DLGAP2: variants seen among roughly 807,000 people sequenced by gnomAD.
The protein encoded by DLGAP2 is DLG associated protein 2, also known as disks large-associated protein 2.
DLGAP2 carries 26 observed loss-of-function variants against 100.3 expected under a neutral mutation model. That is an observed-to-expected ratio of 0.26 (90% CI 0.19 to 0.36). The LOEUF is 0.36. Ranked by LOEUF, DLGAP2 falls within the 10% of genes least tolerant of loss-of-function variation. DLGAP2 has a pLI of 1.00. For missense variants in DLGAP2, 1,858 were observed against 1,453.2 expected (o/e 1.28, Z -4.53); for synonymous variants, 886 against 630.1 (o/e 1.41, Z -6.08).
chr8:867,116 C>T (rs576170381), intron 1 of DLGAP2, among the ~76,000 whole-genome samples: 11 of 152,322 alleles, frequency 7.2e-5, no homozygotes, highest in South Asian at 4.1e-4. Context: ...CGGCCGTCAC[C>T]GTGGGCAAAG....
intron 2 of DLGAP2, among the ~76,000 whole-genome samples, chr8:1,033,261 C>T (rs1435826503): frequency 1.3e-5 from 2 of 152,174 alleles, no homozygotes; most frequent in Admixed American, 6.5e-5. Flanking sequence ...ACAGGCCCCT[C>T]GCCTCGTGAT....
At chr8:1,040,207 C>G (rs1442508788) in intron 2 of DLGAP2, among the ~76,000 whole-genome samples, 2 of 146,934 alleles carry the variant, frequency 1.4e-5, no homozygotes, top group Non-Finnish European at 3.0e-5. Flanking sequence ...TGTGCGTGGT[C>G]AGCTCGGTGT....
Position 1,410,308 on chromosome 8 carries a change from G to A in DLGAP2, c.107-91058G>A, listed in dbSNP as rs984458613. 1.1e-4 allele frequency among the ~76,000 whole-genome samples: 17 copies of A among 152,308 alleles called. No homozygotes were observed. The East Asian group carries it at 1.2e-3, about 10-fold the overall frequency. ...TAGTGACACGGAAGGTAACATTCAC[G>A]GGCATGGCTTCACGCGTGCGGCACC... On this transcript the variant is annotated intron_variant, in intron 3 of 14. Coordinates refer to ENST00000637795, the MANE Select transcript of DLGAP2 (RefSeq NM_001346810.2).
chr8:1,121,138 TAGA>T lies in DLGAP2; in HGVS notation c.74-137710_74-137708del, dbSNP rs1228082094. ...CCATGACCTCCCATCCTCGTCCAGT[TAGA>T]AGCCATGACCACCCATCCTCATCCA... On this transcript the variant is annotated intron_variant, in intron 2 of 14. Coordinates refer to ENST00000637795, the MANE Select transcript of DLGAP2 (RefSeq NM_001346810.2). Among the ~76,000 whole-genome samples, 7 of 145,938 alleles carry T rather than the reference TAGA, an allele frequency of 4.8e-5. No homozygotes were observed. The East Asian group carries it at 1.5e-3, about 31-fold the overall frequency.
chr8:1,160,787 A>G (rs1796874442), intron 2 of DLGAP2, among the ~76,000 whole-genome samples: 1 of 152,182 alleles, frequency 6.6e-6, no homozygotes. Flanking sequence ...AAGGCGAGGA[A>G]GCCTGGCAGG....
chr8:1,537,095 T>A (rs1234693069), intron 4 of DLGAP2, among the ~76,000 whole-genome samples: 1 of 151,788 alleles, frequency 6.6e-6, no homozygotes, highest in East Asian at 1.9e-4. Flanking sequence ...GTATGTGGTG[T>A]GTGGTGTGTG....
intron 2 of DLGAP2, among the ~76,000 whole-genome samples, chr8:1,234,560 C>T (rs1798603960): frequency 1.3e-5 from 2 of 152,196 alleles, no homozygotes; most frequent in African/African-American, 2.4e-5. Flanking sequence ...AGGTCACATT[C>T]TGAGGTCCTG....
chr8:1,315,505 G>C (rs1303304543), intron 3 of DLGAP2, among the ~76,000 whole-genome samples: 2 of 142,692 alleles, frequency 1.4e-5, no homozygotes, highest in Admixed American at 6.9e-5. Context: ...GAGCGTGTGC[G>C]AGTGCAGCGT....
intron 2 of DLGAP2, among the ~76,000 whole-genome samples, chr8:986,072 A>G (rs1024407745): frequency 6.6e-6 from 1 of 150,854 alleles, no homozygotes; most frequent in East Asian, 1.9e-4. Flanking sequence ...GTTTCTGGAA[A>G]CTCTTGATAT....
rs533464828 is a variant in DLGAP2 at position 957,950 on chromosome 8, G to A, written c.73+49984G>A. Among the ~76,000 whole-genome samples, 354 of 152,056 alleles carry A rather than the reference G, an allele frequency of 2.3e-3. 2 individuals are homozygous for A. The highest frequency in any genetic ancestry group is 4.3e-3 in the Non-Finnish European group (295 of 67,982). On this transcript the variant is annotated intron_variant, in intron 2 of 14. Transcript: ENST00000637795. ...TGTCCAATTCAGTGACATACAATAC[G>A]TTCCTGGTGCTGTGTGACCCTCACC...
intron 2 of DLGAP2, among the ~76,000 whole-genome samples, chr8:1,218,510 A>T (rs57729058): frequency 3.3e-5 from 5 of 151,676 alleles, no homozygotes; most frequent in African/African-American, 1.2e-4. Context: ...TTTTTTTACC[A>T]GTACCATGTT....
intron 3 of DLGAP2, among the ~76,000 whole-genome samples, chr8:1,433,423 C>G (rs1584896930): frequency 6.6e-6 from 1 of 152,144 alleles, no homozygotes; most frequent in Non-Finnish European, 1.5e-5. Context: ...CCCAAGCACC[C>G]GAACCACGTG....
chr8:1,298,248 A>G (rs183079180), intron 3 of DLGAP2, among the ~76,000 whole-genome samples: 14 of 152,292 alleles, frequency 9.2e-5, no homozygotes, highest in Admixed American at 4.6e-4. Flanking sequence ...CAGCATCTTT[A>G]TAAGTGATCA....
intron 3 of DLGAP2, among the ~76,000 whole-genome samples, chr8:1,390,758 A>G (rs1456803036): frequency 3.3e-5 from 5 of 152,108 alleles, no homozygotes; most frequent in African/African-American, 7.2e-5. Flanking sequence ...CTGCAGGTGG[A>G]TTTCAGCTCA....
chr8:1,233,855 C>T (rs1798588147), intron 2 of DLGAP2, among the ~76,000 whole-genome samples: 1 of 152,092 alleles, frequency 6.6e-6, no homozygotes, highest in Admixed American at 6.5e-5. Context: ...TAAGCTAAAC[C>T]ACTGTCCTCT....
chr8:1,457,672 C>A (rs758475441), intron 3 of DLGAP2, among the ~76,000 whole-genome samples: 2 of 151,888 alleles, frequency 1.3e-5, no homozygotes, highest in Non-Finnish European at 2.9e-5. Context: ...TGTTAATTGC[C>A]ATATTTCTCT....
intron 3 of DLGAP2, among the ~76,000 whole-genome samples, chr8:1,463,948 G>A (rs1460807744): frequency 6.6e-6 from 1 of 152,240 alleles, no homozygotes; most frequent in Non-Finnish European, 1.5e-5. Flanking sequence ...TGTCCTGAGG[G>A]AAGAGGAAAA....
At chr8:1,422,576 A>G (rs1797125140) in intron 3 of DLGAP2, among the ~76,000 whole-genome samples, 1 of 151,188 alleles carries the variant, frequency 6.6e-6, no homozygotes, top group South Asian at 2.1e-4. Context: ...AAAAAAAAAA[A>G]AGGTGTGGGT....
chr8:1,667,773 A>G (rs1798582009), intron 8 of DLGAP2, among the ~76,000 whole-genome samples: 2 of 152,234 alleles, frequency 1.3e-5, no homozygotes, highest in Non-Finnish European at 2.9e-5. Context: ...TGATAGAATC[A>G]GCATTTTCCA....
Sources: allele counts gnomAD v4.1 joint callset (sites outside exome capture counted in the v4.1 genomes callset), GRCh38; gene constraint gnomAD v4.1.1; transcripts MANE v1.5; gene names NCBI Gene and HGNC (gene_info 2026-07-23, HGNC 2026-07-21).